The following CNGB3 variants were observed in gnomAD, a reference collection of about 807,000 sequenced individuals.
The protein encoded by CNGB3 is cyclic nucleotide gated channel subunit beta 3.
In CNGB3, 86 loss-of-function variants were observed where a neutral mutation model predicts 92.8. That is an observed-to-expected ratio of 0.93 (90% CI 0.78 to 1.11). The LOEUF is 1.11. CNGB3 is among the 50% of genes least tolerant of loss of function. The pLI is 0.00. For missense variants in CNGB3, 1,026 were observed against 956.8 expected (o/e 1.07, Z -0.95); for synonymous variants, 333 against 332.7 (o/e 1.00, Z -0.01).
At chr8:86,667,938 A>T in intron 5 of CNGB3, 81 bp downstream of exon 5, 1 of 1,437,022 alleles carries the variant, frequency 7.0e-7, no homozygotes, top group Non-Finnish European at 9.8e-7. Flanking sequence ...AGGAAAATAG[A>T]AGCTATCTGT....
At chr8:86,739,620 G>GGTT in intron 2 of CNGB3, 35 bp downstream of exon 2, 1 of 1,488,506 alleles carries the variant, frequency 6.7e-7, no homozygotes, top group Admixed American at 2.0e-5. Context: ...TCACTTTTTA[G>GGTT]TTTTTTTTTT....
At chr8:86,637,654 G>A (rs1235166203) in intron 10 of CNGB3, among the ~76,000 whole-genome samples, 1 of 152,044 alleles carries the variant, frequency 6.6e-6, no homozygotes, top group Non-Finnish European at 1.5e-5. Context: ...AGTTTTCAGT[G>A]TACAAGTCTC....
chr8:86,706,870 A>G (rs1263921124), intron 3 of CNGB3, among the ~76,000 whole-genome samples: 1 of 152,180 alleles, frequency 6.6e-6, no homozygotes, highest in African/African-American at 2.4e-5. Flanking sequence ...TGAGGGTTCA[A>G]TTTTGTTCTT....
intron 8 of CNGB3, among the ~76,000 whole-genome samples, chr8:86,645,045 G>A (rs1585989477): frequency 6.6e-6 from 1 of 151,236 alleles, no homozygotes; most frequent in East Asian, 1.9e-4. Context: ...ATACATAAAA[G>A]AGGAAAAGTA....
chr8:86,734,298 T>C (rs1825208548), intron 2 of CNGB3, among the ~76,000 whole-genome samples: 1 of 152,092 alleles, frequency 6.6e-6, no homozygotes, highest in Admixed American at 6.5e-5. Flanking sequence ...TGGGGGCACC[T>C]CTGTAGATCT....
chr8:86,676,934 T>G (rs1211927264), intron 3 of CNGB3, among the ~76,000 whole-genome samples: 1 of 152,232 alleles, frequency 6.6e-6, no homozygotes, highest in East Asian at 1.9e-4. Context: ...AATTTATGTC[T>G]GCCGAGTCTC....
At position 86,624,624 on chromosome 8, in the gene CNGB3, C is replaced by G. The variant is rs112117619; in HGVS notation, c.1578+1359G>C. Among the ~76,000 whole-genome samples, 117 of 152,236 alleles carry G rather than the reference C, an allele frequency of 7.7e-4. 1 individual carries two copies. In the South Asian group the frequency reaches 0.012, roughly 16 times the overall value. On this transcript the variant is annotated intron_variant, in intron 13 of 17. Transcript: ENST00000320005. ...GTCATCCATCCTCCCGTAATATTCC[C>G]TCCTGTCCTCATTCCTCTCTCTCCT...
At chr8:86,626,374 A>C (rs910703929) in intron 12 of CNGB3, among the ~76,000 whole-genome samples, 2 of 152,230 alleles carry the variant, frequency 1.3e-5, no homozygotes, top group African/African-American at 4.8e-5. Context: ...TAATGATCAT[A>C]GCACAAAGGC....
chr8:86,585,220 C>T (rs1033621419), intron 15 of CNGB3, among the ~76,000 whole-genome samples: 4 of 151,960 alleles, frequency 2.6e-5, no homozygotes, highest in Admixed American at 6.6e-5. Flanking sequence ...ATGTGAGGAA[C>T]AAGTATACAC....
At position 86,644,616 on chromosome 8, in the gene CNGB3, C is replaced by T. The variant is rs372442432; in HGVS notation, c.1055+6G>A. On this transcript the variant is annotated splice_donor_region_variant and intron_variant, in intron 9 of 17. Transcript: ENST00000320005. ...CTTCCCCCAAGTATACTGAGTTATA[C>T]TTTACCTGTAGATATATGCTTTGTC... 5.6e-6 allele frequency: 9 copies of T among 1,600,426 alleles called. No individual in the cohort carries two copies. The highest frequency in any genetic ancestry group is 5.4e-5 in the African/African-American group (4 of 74,292).
chr8:86,601,110 G>C (rs910911440), intron 15 of CNGB3, among the ~76,000 whole-genome samples: 1 of 152,044 alleles, frequency 6.6e-6, no homozygotes, highest in South Asian at 2.1e-4. Flanking sequence ...ATTTGAAGGA[G>C]GAATGAAAAA....
At chr8:86,660,914 C>G (rs557596547) in intron 6 of CNGB3, 1 of 298,448 alleles carries the variant, frequency 3.4e-6, no homozygotes, top group Admixed American at 4.2e-5. Flanking sequence ...TTAAGAAATA[C>G]TCCTACCCCA....
chr8:86,692,292 C>T (rs1470933256), intron 3 of CNGB3, among the ~76,000 whole-genome samples: 1 of 152,092 alleles, frequency 6.6e-6, no homozygotes, highest in African/African-American at 2.4e-5. Context: ...TGACTTTAGT[C>T]TTGATGACCT....
At chr8:86,742,611 A>G (rs1276080257) in intron 1 of CNGB3, among the ~76,000 whole-genome samples, 2 of 152,142 alleles carry the variant, frequency 1.3e-5, no homozygotes, top group African/African-American at 2.4e-5. Flanking sequence ...CAAAATAACT[A>G]CTGCTCTAAA....
At chr8:86,601,466 T>G (rs1226211078) in intron 15 of CNGB3, among the ~76,000 whole-genome samples, 1 of 152,230 alleles carries the variant, frequency 6.6e-6, no homozygotes, top group East Asian at 1.9e-4. Context: ...AGTCAGGGTT[T>G]TGCTCTTTTG....
At chr8:86,681,303 A>C (rs1040010287) in intron 3 of CNGB3, among the ~76,000 whole-genome samples, 1 of 152,210 alleles carries the variant, frequency 6.6e-6, no homozygotes, top group Non-Finnish European at 1.5e-5. Context: ...AAAAAACAAA[A>C]ATAAACAACA....
At chr8:86,639,923 T>A (rs922177909) in intron 10 of CNGB3, among the ~76,000 whole-genome samples, 9 of 151,954 alleles carry the variant, frequency 5.9e-5, no homozygotes, top group Non-Finnish European at 2.9e-5. Flanking sequence ...GAATGTGAGT[T>A]GTATGATAAC....
chr8:86,632,136 C>T (rs1822974401), intron 11 of CNGB3, among the ~76,000 whole-genome samples: 1 of 143,366 alleles, frequency 7.0e-6, no homozygotes, highest in East Asian at 2.1e-4. Context: ...GAGGCTGAGG[C>T]TGCAGTGAGC....
chr8:86,590,132 G>A lies in CNGB3; in HGVS notation c.1782-10880C>T, dbSNP rs946670275. On this transcript the variant is annotated intron_variant, in intron 15 of 17. Coordinates refer to ENST00000320005, the MANE Select transcript of CNGB3 (RefSeq NM_019098.5). Reference sequence around the variant, plus strand: ...CTCTTTTGATCTTTTTTGGTTTCAAGTCTGTTTTATCAGAGACTAGGATTG... The same window carrying A: ...CTCTTTTGATCTTTTTTGGTTTCAAATCTGTTTTATCAGAGACTAGGATTG... Among the ~76,000 whole-genome samples, 4 of 152,078 alleles carry A rather than the reference G, an allele frequency of 2.6e-5. No homozygotes were observed. The East Asian group carries it at 7.7e-4, about 29-fold the overall frequency.
Sources: allele counts gnomAD v4.1 joint callset (sites outside exome capture counted in the v4.1 genomes callset), GRCh38; gene constraint gnomAD v4.1.1; transcripts MANE v1.5; gene names NCBI Gene and HGNC (gene_info 2026-07-23, HGNC 2026-07-21).